The following LRP5 variants were observed in gnomAD, a reference collection of about 807,000 sequenced individuals.
LRP5 encodes low-density lipoprotein receptor-related protein 5.
LRP5 carries 62 observed loss-of-function variants against 154.1 expected under a neutral mutation model. The observed-to-expected ratio is 0.40, with a 90% CI of 0.33 to 0.50. LRP5 has a LOEUF of 0.50. Ranked by LOEUF, LRP5 falls within the 20% of genes least tolerant of loss-of-function variation. LRP5 has a pLI of 0.55. For missense variants in LRP5, 1,915 were observed against 2,336.7 expected, an observed-to-expected ratio of 0.82 and a Z score of 3.72; for synonymous variants, 966 against 1,011.5, an observed-to-expected ratio of 0.96 and a Z score of 0.85.
At position 68,410,063 on chromosome 11, in the gene LRP5, G is replaced by A. The variant is rs867927445; in HGVS notation, c.2241G>A (p.Leu747=). ...CCAACAGAATCGAAGTGGCGCGGCT[G>A]GACGGGCAGTTCCGGCAAGTCCTCG... The part of the protein sequence containing the change: ...TGTNRIEVAR[L]DGQFRQVLVW... Residue 747 remains leucine (L), a synonymous_variant, in exon 10 of 23, where the codon CTG becomes CTA. Transcript: ENST00000294304. The A allele has an allele frequency of 1.5e-5, 24 of 1,613,908 alleles. No individual in the cohort carries two copies. In the Middle Eastern group the frequency reaches 9.9e-4, roughly 66 times the overall value.
the LRP5 span, among the ~76,000 whole-genome samples, chr11:68,304,384 C>T: frequency 6.6e-6 from 1 of 152,242 alleles, no homozygotes; most frequent in African/African-American, 2.4e-5. Context: ...ACACCATCCA[C>T]CTAGATGTCA....
chr11:68,330,320 A>T (rs933700067), intron 1 of LRP5, among the ~76,000 whole-genome samples: 1 of 151,946 alleles, frequency 6.6e-6, no homozygotes, highest in South Asian at 2.1e-4. Context: ...TGGAGGACAC[A>T]TGGCTTTCAG....
At chr11:68,300,889 C>T in the LRP5 span, among the ~76,000 whole-genome samples, 2 of 148,548 alleles carry the variant, frequency 1.3e-5, no homozygotes, top group African/African-American at 4.9e-5. Flanking sequence ...AGTGACTATC[C>T]ATTATTTTAT....
In LRP5 at chr11:68,406,678, A is replaced by G. The variant is rs745882899; in HGVS notation, c.1956A>G (p.Arg652=). ...VPEAFLVFTS[R]AAIHRISLET... ...AGGCCTTCTTGGTCTTCACCAGCAGAGCCGCCATCCACAGGATCTCCCTCG... is the reference window on the plus strand; with the variant it reads ...AGGCCTTCTTGGTCTTCACCAGCAGGGCCGCCATCCACAGGATCTCCCTCG... Residue 652 remains arginine (R), a synonymous_variant, in exon 9 of 23, where the codon AGA becomes AGG. Coordinates refer to ENST00000294304, the MANE Select transcript of LRP5 (RefSeq NM_002335.4). 20 of 1,614,022 alleles carry G rather than the reference A, an allele frequency of 1.2e-5. No homozygotes were observed. The highest frequency in any genetic ancestry group is 1.4e-5 in the Non-Finnish European group (17 of 1,180,046).
At chr11:68,333,873 C>G (rs1350018799) in intron 1 of LRP5, among the ~76,000 whole-genome samples, 1 of 152,104 alleles carries the variant, frequency 6.6e-6, no homozygotes, top group Non-Finnish European at 1.5e-5. Context: ...GGATTCAGTG[C>G]AGGGGCCGGC....
intron 12 of LRP5, among the ~76,000 whole-genome samples, chr11:68,415,624 A>G (rs752812967): frequency 6.7e-5 from 8 of 119,160 alleles, no homozygotes; most frequent in Non-Finnish European, 1.3e-4. Context: ...GCATGCCTAT[A>G]ATCCCAGCTA....
At chr11:68,301,083 C>T in the LRP5 span, among the ~76,000 whole-genome samples, 76 of 147,806 alleles carry the variant, frequency 5.1e-4, 6 homozygotes, top group Non-Finnish European at 9.2e-4. Flanking sequence ...ACGTGCACCA[C>T]CACGTCTGGC....
At chr11:68,339,568 G>A (rs550049593) in intron 1 of LRP5, among the ~76,000 whole-genome samples, 13 of 151,902 alleles carry the variant, frequency 8.6e-5, no homozygotes, top group African/African-American at 1.2e-4. Context: ...GGCTGGTCTC[G>A]AACTCCTTAC....
chr11:68,331,743 CTGTGTGTGTGTGTG>C (rs60278908), intron 1 of LRP5, among the ~76,000 whole-genome samples: 5 of 148,250 alleles, frequency 3.4e-5, no homozygotes, highest in Non-Finnish European at 7.4e-5. Context: ...TTCCTCTGGG[CTGTGTGTGTGTGTG>C]TGTGTGTGTG....
intron 1 of LRP5, among the ~76,000 whole-genome samples, chr11:68,330,655 A>C (rs1461619680): frequency 6.6e-6 from 1 of 152,238 alleles, no homozygotes; most frequent in African/African-American, 2.4e-5. Context: ...GGTCCTTTAC[A>C]TCTGATCATC....
intron 5 of LRP5, among the ~76,000 whole-genome samples, chr11:68,380,829 C>T (rs1395066021): frequency 6.6e-6 from 1 of 152,270 alleles, no homozygotes; most frequent in Non-Finnish European, 1.5e-5. Context: ...GCCGTCTGCT[C>T]TGCCTGGCAC....
At chr11:68,304,073 C>T in the LRP5 span, among the ~76,000 whole-genome samples, 1 of 152,162 alleles carries the variant, frequency 6.6e-6, no homozygotes, top group East Asian at 1.9e-4. Flanking sequence ...AGGAAATAGG[C>T]CTCAGAGGCA....
intron 21 of LRP5, among the ~76,000 whole-genome samples, chr11:68,442,302 A>G (rs1056095581): frequency 3.9e-5 from 6 of 152,134 alleles, no homozygotes; most frequent in South Asian, 2.1e-4. Flanking sequence ...TCTTGAGACA[A>G]ACTTCCTCTG....
intron 1 of LRP5, among the ~76,000 whole-genome samples, chr11:68,347,095 A>G (rs2098613664): frequency 6.6e-6 from 1 of 152,090 alleles, no homozygotes; most frequent in African/African-American, 2.4e-5. Flanking sequence ...GGTGGAGAGA[A>G]GTGTAGGTGA....
chr11:68,364,005 GCA>G, intron 4 of LRP5, 62 bp downstream of exon 4: 1 of 318,358 alleles, frequency 3.1e-6, no homozygotes, highest in South Asian at 2.7e-5. Flanking sequence ...GGGGCGCGGG[GCA>G]GGGGAGTGGG....
At chr11:68,409,046 C>A (rs11228229) in intron 9 of LRP5, among the ~76,000 whole-genome samples, 1 of 45,976 alleles carries the variant, frequency 2.2e-5, no homozygotes, top group African/African-American at 1.2e-4. Flanking sequence ...CAAGACTTAT[C>A]TGGGGAAAAA....
In LRP5 at chr11:68,410,130, C is replaced by G. The variant is rs745674892; in HGVS notation, c.2308C>G (p.Pro770Ala). The G allele has an allele frequency of 6.2e-7, 1 of 1,613,498 alleles. No individual in the cohort carries two copies. Among genetic ancestry groups the G allele is most frequent in the Non-Finnish European group, 8.5e-7 (1 of 1,179,780 alleles). Residue 770 changes from proline to alanine, a missense_variant, in exon 10 of 23, where the codon CCC becomes GCC. Pro to Ala is a conservative substitution (Grantham distance 27). Transcript: ENST00000294304. ...LDNPRSLALDPTKGYIYWTEW... is the reference protein window; with the variant it reads ...LDNPRSLALDATKGYIYWTEW... ...CAACCCGAGGTCGCTGGCCCTGGAT[C>G]CCACCAAGGGGTAAGTGTTTGCCTG...
Position 68,423,780 on chromosome 11 carries a change from G to A in LRP5, c.3236+83G>A. The A allele has an allele frequency of 7.2e-7, 1 of 1,398,038 alleles. No homozygotes were observed. The highest frequency in any genetic ancestry group is 1.8e-5 in the Admixed American group (1 of 54,060). The allele number at this position is 1,398,038 out of a possible 1,614,324, so 86.6% of individuals were successfully genotyped here. ...TCTGCCGAATGCCAGCCTCTCACAG[G>A]CTGGGGAGACTTTCCACCCTGGGGA... On this transcript the variant is annotated intron_variant, in intron 14 of 22. Transcript: ENST00000294304. The surrounding 1 kb of genome is among the most constrained non-coding windows in gnomAD (Gnocchi z 4.7).
chr11:68,406,778 A>G lies in LRP5; in HGVS notation c.2056A>G (p.Asn686Asp), dbSNP rs781660447. The part of the protein sequence containing the change: ...EASALDFDVS[N>D]NHIYWTDVSL... The stretch of plus-strand genomic sequence containing the variant: ...CTCAGCCCTGGACTTTGATGTGTCC[A>G]ACAACCACATCTACTGGACAGACGT... The change falls in exon 9 of 23, where the codon AAC becomes GAC. Residue 686 changes from asparagine (N) to aspartate (D), a missense_variant. By Grantham distance (23) the Asn-to-Asp change is conservative (BLOSUM62 1). Around this residue, in one of 3 missense-constraint regions of LRP5, gnomAD observed 773 missense variants for 1,100.9 expected, o/e 0.70. Transcript: ENST00000294304. 1.2e-6 allele frequency: 2 copies of G among 1,613,970 alleles called. No individual in the cohort carries two copies. Among genetic ancestry groups the G allele is most frequent in the African/African-American group, 1.3e-5 (1 of 74,926 alleles).
Sources: gnomAD v4.1 joint callset for allele counts (sites outside exome capture counted in the v4.1 genomes callset) on GRCh38, gnomAD v4.1.1 for gene constraint, gnomAD v4.1.1 regional missense constraint, Gnocchi (gnomAD v3.1) non-coding constraint, MANE v1.5 for transcripts, NCBI Gene and HGNC (gene_info 2026-07-23, HGNC 2026-07-21) for gene names.